SULF1: variants seen among roughly 807,000 people sequenced by gnomAD.
SULF1 encodes the protein extracellular sulfatase Sulf-1.
A neutral mutation model predicts 110.5 loss-of-function variants in SULF1; 46 were observed. That is an observed-to-expected ratio of 0.42 (90% CI 0.33 to 0.53). The LOEUF is 0.53. SULF1 is among the 20% of genes least tolerant of loss of function. The pLI is 0.12. For synonymous variants in SULF1, 371 were observed against 387.1 expected, an observed-to-expected ratio of 0.96 and a Z score of 0.49; for missense variants, 941 against 1,094.2, an observed-to-expected ratio of 0.86 and a Z score of 1.98.
At chr8:69,485,595 C>T (rs1012095687) in intron 1 of SULF1, among the ~76,000 whole-genome samples, 2 of 152,158 alleles carry the variant, frequency 1.3e-5, no homozygotes, top group African/African-American at 4.8e-5. Flanking sequence ...GAGGCTTTTT[C>T]CTGTCTAAGT....
chr8:69,536,696 C>T lies in SULF1; in HGVS notation c.-133-26843C>T, dbSNP rs1231890719. ...GACACCTAAGAATATTTTCCTTTTT[C>T]GAGGAATCCTTGGTATGTTGATTCA... is the stretch of plus-strand genomic sequence containing the variant. On this transcript the variant is annotated intron_variant, in intron 3 of 22. Transcript: ENST00000402687. Among the ~76,000 whole-genome samples the T allele has an allele frequency of 7.9e-5, 12 of 152,226 alleles. No homozygotes were observed. The South Asian group carries it at 2.3e-3, about 29-fold the overall frequency.
intron 6 of SULF1, among the ~76,000 whole-genome samples, chr8:69,583,377 GA>G (rs1206802688): frequency 6.7e-6 from 1 of 148,474 alleles, no homozygotes; most frequent in African/African-American, 2.5e-5. Flanking sequence ...AGACCAACCT[GA>G]CCAATATGGT....
chr8:69,571,862 T>G (rs923091163), intron 5 of SULF1, among the ~76,000 whole-genome samples: 4 of 152,214 alleles, frequency 2.6e-5, no homozygotes, highest in African/African-American at 7.2e-5. Flanking sequence ...TAAAAGGTGC[T>G]CGATGCTTTC....
intron 1 of SULF1, among the ~76,000 whole-genome samples, chr8:69,486,004 A>G (rs73287658): frequency 0.023 from 3,471 of 152,264 alleles, 107 homozygotes; most frequent in African/African-American, 0.073. Flanking sequence ...ATGATTGTCA[A>G]TCACCATCTT....
chr8:69,525,762 T>A (rs2150625894), intron 3 of SULF1, among the ~76,000 whole-genome samples: 1 of 152,282 alleles, frequency 6.6e-6, no homozygotes, highest in Middle Eastern at 3.4e-3. Context: ...ACTTTAATGG[T>A]GGGATGTGGC....
intron 3 of SULF1, among the ~76,000 whole-genome samples, chr8:69,547,648 G>A (rs1462813374): frequency 1.3e-5 from 2 of 152,078 alleles, no homozygotes; most frequent in Non-Finnish European, 2.9e-5. Context: ...GGAAGCCCTG[G>A]GGCCTTTCAA....
chr8:69,548,217 G>A (rs1309414999), intron 3 of SULF1, among the ~76,000 whole-genome samples: 1 of 152,152 alleles, frequency 6.6e-6, no homozygotes, highest in African/African-American at 2.4e-5. Context: ...AAGGGAGAAG[G>A]TGGGAGAATA....
At chr8:69,561,067 A>G (rs571307245) in intron 3 of SULF1, among the ~76,000 whole-genome samples, 1 of 152,344 alleles carries the variant, frequency 6.6e-6, no homozygotes, top group Admixed American at 6.5e-5. Flanking sequence ...AGGTGACCAC[A>G]GTTAATAACA....
chr8:69,611,745 C>T (rs1266136516), intron 13 of SULF1, among the ~76,000 whole-genome samples: 1 of 152,164 alleles, frequency 6.6e-6, no homozygotes, highest in African/African-American at 2.4e-5. Flanking sequence ...ATGGCCAAAT[C>T]CATGTCATAA....
chr8:69,585,148 T>G (rs964517134), intron 6 of SULF1, among the ~76,000 whole-genome samples: 7 of 149,466 alleles, frequency 4.7e-5, no homozygotes, highest in Non-Finnish European at 7.4e-5. Context: ...TGCATAGGGG[T>G]GTGTGTGTGT....
At chr8:69,543,239 C>A (rs2150673358) in intron 3 of SULF1, among the ~76,000 whole-genome samples, 1 of 152,014 alleles carries the variant, frequency 6.6e-6, no homozygotes, top group Non-Finnish European at 1.5e-5. Context: ...TTTTAAATTC[C>A]AGGGTACACG....
At chr8:69,478,321 A>T (rs1194930232) in intron 1 of SULF1, among the ~76,000 whole-genome samples, 1 of 152,092 alleles carries the variant, frequency 6.6e-6, no homozygotes, top group Non-Finnish European at 1.5e-5. Flanking sequence ...ACACTGTTTC[A>T]TCATATCACT....
At chr8:69,468,890 C>T (rs920181257) in intron 1 of SULF1, among the ~76,000 whole-genome samples, 9 of 152,184 alleles carry the variant, frequency 5.9e-5, no homozygotes, top group Non-Finnish European at 1.0e-4. Flanking sequence ...AGGTGCCCCA[C>T]CAGCATACAT....
At chr8:69,637,042 T>C (rs989205656) in intron 19 of SULF1, among the ~76,000 whole-genome samples, 4 of 152,212 alleles carry the variant, frequency 2.6e-5, no homozygotes, top group African/African-American at 7.2e-5. Flanking sequence ...AAATGGTTCG[T>C]TGTTGTTGCA....
chr8:69,504,428 G>A lies in SULF1; in HGVS notation c.-134+2460G>A, dbSNP rs190365980. On this transcript the variant is annotated intron_variant, in intron 3 of 22. Transcript: ENST00000402687. ...AAATTAGCCGGGCGTGGTGGTGCGC[G>A]CCTGTAATCCCAGCTTATCAAGAGG... Among the ~76,000 whole-genome samples, 781 of 152,056 alleles carry A rather than the reference G, an allele frequency of 5.1e-3. 10 individuals are homozygous for A. The highest frequency in any genetic ancestry group is 0.017 in the African/African-American group (721 of 41,492).
chr8:69,614,440 GCTCTAGAGCAGTACCTGCTAT>G (rs1276392762), intron 13 of SULF1, among the ~76,000 whole-genome samples: 2 of 152,226 alleles, frequency 1.3e-5, no homozygotes, highest in African/African-American at 4.8e-5. Flanking sequence ...CATAAAGAGT[GCTCTAGAGCAGTACCTGCTAT>G]CAAGCAAGAG....
At chr8:69,609,641 C>T (rs962273093) in intron 13 of SULF1, among the ~76,000 whole-genome samples, 4 of 152,180 alleles carry the variant, frequency 2.6e-5, no homozygotes, top group African/African-American at 2.4e-5. Context: ...CTTCACTTCA[C>T]GTTGAGTACT....
intron 15 of SULF1, among the ~76,000 whole-genome samples, chr8:69,626,745 G>GGGCC (rs769091241): frequency 3.3e-5 from 5 of 152,244 alleles, no homozygotes; most frequent in African/African-American, 1.2e-4. Flanking sequence ...GGGGCCGCAA[G>GGGCC]GGCCGGCCGG....
At chr8:69,616,681 C>T (rs1251953445) in intron 13 of SULF1, among the ~76,000 whole-genome samples, 3 of 148,420 alleles carry the variant, frequency 2.0e-5, no homozygotes, top group Admixed American at 6.7e-5. Flanking sequence ...AAATTACAGG[C>T]TTGAGCTACT....
Sources: allele counts gnomAD v4.1 joint callset (sites outside exome capture counted in the v4.1 genomes callset), GRCh38; gene constraint gnomAD v4.1.1; transcripts MANE v1.5; gene names NCBI Gene and HGNC (gene_info 2026-07-23, HGNC 2026-07-21).